The following CSMD1 variants were observed in gnomAD, a reference collection of about 807,000 sequenced individuals.
CSMD1 encodes CUB and sushi domain-containing protein 1.
In CSMD1, 213 loss-of-function variants were observed where a neutral mutation model predicts 417.5. That is an observed-to-expected ratio of 0.51 (90% CI 0.46 to 0.57). The LOEUF (loss-of-function observed/expected upper bound fraction) is 0.57. CSMD1 is among the 20% of genes least tolerant of loss of function. The probability of loss-of-function intolerance (pLI) is 0.00; values close to 1 mark genes in which losing one functional copy is unlikely to be tolerated. For missense variants in CSMD1, 6,923 were observed against 4,529.7 expected (o/e 1.53, Z -15.17); for synonymous variants, 2,862 against 1,736.8 (o/e 1.65, Z -16.11).
At chr8:3,453,614 G>A (rs1382852526) in intron 12 of CSMD1, among the ~76,000 whole-genome samples, 1 of 152,198 alleles carries the variant, frequency 6.6e-6, no homozygotes, top group East Asian at 1.9e-4. Flanking sequence ...CCATGTAACT[G>A]AGTAGTTTTG....
intron 12 of CSMD1, among the ~76,000 whole-genome samples, chr8:3,458,002 C>T (rs1364104540): frequency 6.6e-6 from 1 of 152,184 alleles, no homozygotes; most frequent in Non-Finnish European, 1.5e-5. Flanking sequence ...CAAGCTCTTT[C>T]ATAATTCGCA....
chr8:4,897,509 C>T (rs890423635), intron 1 of CSMD1, among the ~76,000 whole-genome samples: 1 of 152,074 alleles, frequency 6.6e-6, no homozygotes, highest in African/African-American at 2.4e-5. Flanking sequence ...TATAACCTCT[C>T]ATATCCTATT....
chr8:4,518,802 G>C (rs973061305), intron 2 of CSMD1, among the ~76,000 whole-genome samples: 8 of 151,938 alleles, frequency 5.3e-5, no homozygotes, highest in African/African-American at 1.9e-4. Flanking sequence ...AGGAAAAATA[G>C]AATAATTAAA....
chr8:4,311,315 A>T (rs758208501), intron 3 of CSMD1, among the ~76,000 whole-genome samples: 2 of 152,234 alleles, frequency 1.3e-5, no homozygotes, highest in Non-Finnish European at 2.9e-5. Flanking sequence ...AATACTATGC[A>T]GCCATAAAAA....
chr8:3,242,242 A>G (rs559156220), intron 26 of CSMD1, among the ~76,000 whole-genome samples: 22 of 151,786 alleles, frequency 1.4e-4, no homozygotes, highest in East Asian at 1.2e-3. Flanking sequence ...AGGATTATAG[A>G]GTGGAGGAAC....
At chr8:4,937,579 A>C (rs1306169814) in intron 1 of CSMD1, among the ~76,000 whole-genome samples, 1 of 152,228 alleles carries the variant, frequency 6.6e-6, no homozygotes, top group African/African-American at 2.4e-5. Flanking sequence ...GACAAAGAAC[A>C]AAGATAGGAA....
chr8:4,218,689 C>G (rs910396375), intron 3 of CSMD1, among the ~76,000 whole-genome samples: 2 of 152,162 alleles, frequency 1.3e-5, no homozygotes, highest in Non-Finnish European at 2.9e-5. Context: ...TTGGATACAT[C>G]TCTTCAAATA....
chr8:4,787,389 G>T, intron 1 of CSMD1: 1 of 733,698 alleles, frequency 1.4e-6, no homozygotes. Flanking sequence ...TAAAACAAAA[G>T]AAGTCTACGA....
chr8:4,716,603 G>A (rs552741130), intron 1 of CSMD1, among the ~76,000 whole-genome samples: 1 of 152,160 alleles, frequency 6.6e-6, no homozygotes. Flanking sequence ...GAAATGAGTA[G>A]CAGAATATGG....
chr8:4,074,089 T>C (rs1235496644), intron 3 of CSMD1, among the ~76,000 whole-genome samples: 1 of 152,104 alleles, frequency 6.6e-6, no homozygotes, highest in Non-Finnish European at 1.5e-5. Flanking sequence ...AATTTTGTAA[T>C]ATAATTTATT....
chr8:3,315,792 AT>A (rs1162148757), intron 23 of CSMD1, among the ~76,000 whole-genome samples: 25 of 152,174 alleles, frequency 1.6e-4, no homozygotes, highest in Non-Finnish European at 2.5e-4. Context: ...GAACTGTCTT[AT>A]TTTTTATCAA....
intron 47 of CSMD1, among the ~76,000 whole-genome samples, chr8:3,095,741 A>T (rs1815250934): frequency 6.6e-6 from 1 of 152,202 alleles, no homozygotes; most frequent in African/African-American, 2.4e-5. Flanking sequence ...ATGTACAGCC[A>T]TAATTGTAAC....
intron 5 of CSMD1, among the ~76,000 whole-genome samples, chr8:3,760,805 T>C (rs1432950221): frequency 2.0e-5 from 3 of 152,214 alleles, no homozygotes; most frequent in African/African-American, 7.2e-5. Context: ...TCTTTAACTA[T>C]GATGACTCAG....
At position 3,952,574 on chromosome 8, in the gene CSMD1, A is replaced by C. The variant is rs189921673; in HGVS notation, c.818+45329T>G. On this transcript the variant is annotated intron_variant, in intron 5 of 69. Transcript: ENST00000635120. ...ATAAATTCACAGAGGCAGAAAACAGATCAGCAGTCACCAAGAGACAGGGAG... is the reference window on the plus strand; with the variant it reads ...ATAAATTCACAGAGGCAGAAAACAGCTCAGCAGTCACCAAGAGACAGGGAG... Among the ~76,000 whole-genome samples the C allele has an allele frequency of 1.6e-4, 25 of 152,320 alleles. No homozygotes were observed. The East Asian group carries it at 1.7e-3, about 11-fold the overall frequency.
At chr8:3,505,076 A>G (rs1796767993) in intron 10 of CSMD1, among the ~76,000 whole-genome samples, 2 of 152,108 alleles carry the variant, frequency 1.3e-5, no homozygotes, top group South Asian at 4.1e-4. Flanking sequence ...ATTTCAGGAG[A>G]ATTTCTGTAA....
chr8:4,121,368 G>C (rs1294613417), intron 3 of CSMD1, among the ~76,000 whole-genome samples: 1 of 152,042 alleles, frequency 6.6e-6, no homozygotes, highest in Non-Finnish European at 1.5e-5. Context: ...ACCCACCTTG[G>C]CCTCCCAAAG....
intron 4 of CSMD1, among the ~76,000 whole-genome samples, chr8:4,022,625 C>T (rs1417593513): frequency 2.0e-5 from 3 of 152,084 alleles, no homozygotes; most frequent in Admixed American, 1.3e-4. Context: ...TCCTAGAAAC[C>T]ATTCTGGAAC....
intron 37 of CSMD1, among the ~76,000 whole-genome samples, chr8:3,163,383 G>C (rs1317125542): frequency 6.6e-6 from 1 of 151,780 alleles, no homozygotes; most frequent in Non-Finnish European, 1.5e-5. Context: ...CTGGGGTGGA[G>C]GAGGTGAGTA....
chr8:3,825,356 C>G (rs919348148), intron 5 of CSMD1, among the ~76,000 whole-genome samples: 3 of 152,092 alleles, frequency 2.0e-5, no homozygotes, highest in Non-Finnish European at 4.4e-5. Context: ...ATGGTGAAAC[C>G]TTGTCTGTAG....
Sources: allele counts gnomAD v4.1 joint callset (sites outside exome capture counted in the v4.1 genomes callset), GRCh38; gene constraint gnomAD v4.1.1; transcripts MANE v1.5; gene names NCBI Gene and HGNC (gene_info 2026-07-23, HGNC 2026-07-21).